The following NXPE2 variants were observed in gnomAD, a reference collection of about 807,000 sequenced individuals.
The protein encoded by NXPE2 is NXPE family member 2.
A neutral mutation model predicts 34.4 loss-of-function variants in NXPE2; 34 were observed. The ratio of observed to expected loss-of-function variants is 0.99; its 90% CI spans 0.75 to 1.31. The LOEUF is 1.31. NXPE2 is among the 40% of genes most tolerant of loss of function. The pLI is 0.00. For synonymous variants in NXPE2, 235 were observed against 231.3 expected (o/e 1.02, Z -0.15); for missense variants, 649 against 672.5 (o/e 0.97, Z 0.39).
the NXPE2 span, among the ~76,000 whole-genome samples, chr11:114,540,139 T>C: frequency 3.3e-5 from 5 of 152,190 alleles, no homozygotes; most frequent in African/African-American, 1.2e-4. Flanking sequence ...CTATTTTTAG[T>C]AGAGATGGGG....
chr11:114,724,869 G>A, the NXPE2 span, among the ~76,000 whole-genome samples: 4 of 127,264 alleles, frequency 3.1e-5, no homozygotes, highest in South Asian at 2.7e-4. Flanking sequence ...AACCCTCCAC[G>A]TAATATTGCC....
chr11:114,757,013 T>A, the NXPE2 span, among the ~76,000 whole-genome samples: 702 of 152,246 alleles, frequency 4.6e-3, 11 homozygotes, highest in African/African-American at 0.016. Context: ...TCCACAATAG[T>A]CCTTGTTAAT....
chr11:114,544,700 A>G, the NXPE2 span, among the ~76,000 whole-genome samples: 1 of 152,172 alleles, frequency 6.6e-6, no homozygotes, highest in Admixed American at 6.5e-5. Flanking sequence ...AGCACAATCC[A>G]TGAAAGAAAA....
the NXPE2 span, among the ~76,000 whole-genome samples, chr11:114,535,092 A>G: frequency 2.8e-4 from 43 of 152,310 alleles, no homozygotes; most frequent in Non-Finnish European, 1.9e-4. Context: ...CTTGCCAGAA[A>G]CTCTACGAGC....
chr11:114,695,949 C>A (rs1474867149), intron 2 of NXPE2, among the ~76,000 whole-genome samples: 2 of 151,560 alleles, frequency 1.3e-5, no homozygotes, highest in Admixed American at 1.3e-4. Flanking sequence ...ACCCGGGAGG[C>A]GGAGGTTGCA....
chr11:114,638,155 G>T, the NXPE2 span, among the ~76,000 whole-genome samples: 4 of 151,854 alleles, frequency 2.6e-5, no homozygotes, highest in African/African-American at 9.7e-5. Context: ...CGGAGGCTTT[G>T]TTCATTTCTT....
At chr11:114,507,931 A>G in the NXPE2 span, among the ~76,000 whole-genome samples, 2 of 152,190 alleles carry the variant, frequency 1.3e-5, no homozygotes, top group African/African-American at 4.8e-5. Flanking sequence ...GCATCCAAAT[A>G]GAAAGGGAGG....
At chr11:114,786,875 C>T in the NXPE2 span, among the ~76,000 whole-genome samples, 7 of 152,160 alleles carry the variant, frequency 4.6e-5, no homozygotes, top group African/African-American at 1.7e-4. Context: ...TGCACACATA[C>T]AGCCTCACAC....
chr11:114,728,071 GT>G, the NXPE2 span, among the ~76,000 whole-genome samples: 1 of 151,906 alleles, frequency 6.6e-6, no homozygotes, highest in Admixed American at 6.6e-5. Context: ...CTGTGGCCCC[GT>G]CCTCCATGTT....
the NXPE2 span, among the ~76,000 whole-genome samples, chr11:114,717,308 T>C: frequency 6.6e-6 from 1 of 152,206 alleles, no homozygotes; most frequent in Non-Finnish European, 1.5e-5. Context: ...AAGTCCTGAT[T>C]TGTAGCATCT....
the NXPE2 span, among the ~76,000 whole-genome samples, chr11:114,799,291 CAAAAAAAAAAA>C: frequency 3.2e-5 from 3 of 94,294 alleles, no homozygotes; most frequent in African/African-American, 7.8e-5. Flanking sequence ...GGCAATGAAG[CAAAAAAAAAAA>C]AAAAAAAAAA....
the NXPE2 span, among the ~76,000 whole-genome samples, chr11:114,715,451 T>A: frequency 6.6e-6 from 1 of 152,230 alleles, no homozygotes; most frequent in African/African-American, 2.4e-5. Flanking sequence ...CAACCTCTTT[T>A]ACATTCAATA....
At chr11:114,668,003 G>T in the NXPE2 span, among the ~76,000 whole-genome samples, 1 of 151,228 alleles carries the variant, frequency 6.6e-6, no homozygotes, top group African/African-American at 2.4e-5. Flanking sequence ...AGCACTATTT[G>T]TAACAGTGAG....
At chr11:114,770,553 A>G in the NXPE2 span, among the ~76,000 whole-genome samples, 1 of 152,398 alleles carries the variant, frequency 6.6e-6, no homozygotes, top group African/African-American at 2.4e-5. Flanking sequence ...AGCCGCATAA[A>G]TAGAGTTAAC....
chr11:114,753,463 T>C, the NXPE2 span, among the ~76,000 whole-genome samples: 2 of 152,206 alleles, frequency 1.3e-5, no homozygotes, highest in African/African-American at 4.8e-5. Flanking sequence ...TGAAAGTGTA[T>C]ATATAACAGC....
chr11:114,614,753 A>G, the NXPE2 span, among the ~76,000 whole-genome samples: 1 of 150,798 alleles, frequency 6.6e-6, no homozygotes, highest in African/African-American at 2.4e-5. Flanking sequence ...TACCCAGTGG[A>G]TAATAAGTGT....
chr11:114,539,615 T>A, the NXPE2 span, among the ~76,000 whole-genome samples: 2 of 152,204 alleles, frequency 1.3e-5, no homozygotes, highest in African/African-American at 4.8e-5. Context: ...TTTTCTGTAT[T>A]TCTAATTAAA....
chr11:114,710,147 A>T (rs1247235209), downstream of NXPE2, among the ~76,000 whole-genome samples: 1 of 152,184 alleles, frequency 6.6e-6, no homozygotes, highest in Non-Finnish European at 1.5e-5. Context: ...TGAAAAAAGA[A>T]AAATGTTTGC....
the NXPE2 span, among the ~76,000 whole-genome samples, chr11:114,758,561 C>T: frequency 4.6e-3 from 701 of 152,220 alleles, 3 homozygotes; most frequent in African/African-American, 0.015. Context: ...GCATTTGTCA[C>T]ACCTAAGTTC....
Sources: gnomAD v4.1 joint callset for allele counts (sites outside exome capture counted in the v4.1 genomes callset) on GRCh38, gnomAD v4.1.1 for gene constraint, MANE v1.5 for transcripts, NCBI Gene and HGNC (gene_info 2026-07-23, HGNC 2026-07-21) for gene names.